Variants in CTNND2 observed in about 807,000 individuals in gnomAD.
CTNND2 encodes the protein catenin delta 2.
CTNND2 carries 22 observed loss-of-function variants against 144.4 expected under a neutral mutation model. The ratio of observed to expected loss-of-function variants is 0.15; its 90% CI spans 0.11 to 0.22. CTNND2 has a LOEUF of 0.22. Among genes scored for constraint, CTNND2 ranks in the 10% least tolerant of loss-of-function variants. The probability of loss-of-function intolerance (pLI) is 1.00; values close to 1 mark genes in which losing one functional copy is unlikely to be tolerated. For missense variants in CTNND2, 1,353 were observed against 1,618.8 expected, an observed-to-expected ratio of 0.84 and a Z score of 2.82; for synonymous variants, 751 against 695.6, an observed-to-expected ratio of 1.08 and a Z score of -1.25.
At chr5:11,216,914 C>T (rs1024254364) in intron 10 of CTNND2, among the ~76,000 whole-genome samples, 5 of 152,210 alleles carry the variant, frequency 3.3e-5, no homozygotes, top group African/African-American at 1.2e-4. Flanking sequence ...ACCACCAGGG[C>T]TCATTCTTTG....
chr5:11,403,025 C>T (rs768775188), intron 5 of CTNND2, among the ~76,000 whole-genome samples: 19 of 152,018 alleles, frequency 1.2e-4, no homozygotes, highest in Non-Finnish European at 2.1e-4. Context: ...AGTCACTCAA[C>T]TTTTTTTCTT....
chr5:11,274,170 C>G lies in CTNND2; in HGVS notation c.1629-37347G>C, dbSNP rs149693664. 3.9e-4 allele frequency among the ~76,000 whole-genome samples: 59 copies of G among 152,278 alleles called. No individual in the cohort carries two copies. In the Middle Eastern group the frequency reaches 0.024, roughly 61 times the overall value. ...TCTAACTAGGGGCTGAGCCAAGGTA[C>G]TTTCTATTGGCGTAATCCCTGACAG... On this transcript the variant is annotated intron_variant, in intron 9 of 21. Transcript: ENST00000304623.
intron 3 of CTNND2, among the ~76,000 whole-genome samples, chr5:11,423,366 G>A (rs1762523258): frequency 6.6e-6 from 1 of 152,182 alleles, no homozygotes; most frequent in Non-Finnish European, 1.5e-5. Flanking sequence ...CTCTCAGGTG[G>A]ATTATCCATA....
At chr5:11,357,480 A>G (rs575695387) in intron 8 of CTNND2, among the ~76,000 whole-genome samples, 5 of 152,256 alleles carry the variant, frequency 3.3e-5, no homozygotes, top group African/African-American at 9.6e-5. Context: ...CTAAAAAAGA[A>G]GCTGATATCA....
intron 9 of CTNND2, among the ~76,000 whole-genome samples, chr5:11,284,143 T>C (rs1424897421): frequency 6.6e-6 from 1 of 152,238 alleles, no homozygotes; most frequent in Non-Finnish European, 1.5e-5. Flanking sequence ...TCTGGTCATG[T>C]GAATTCTTCA....
At chr5:11,288,276 GTTC>G (rs539064213) in intron 9 of CTNND2, among the ~76,000 whole-genome samples, 5 of 151,956 alleles carry the variant, frequency 3.3e-5, no homozygotes, top group African/African-American at 9.6e-5. Context: ...CTACATTCAT[GTTC>G]TTCTTTTTGT....
intron 9 of CTNND2, among the ~76,000 whole-genome samples, chr5:11,297,413 A>C (rs911909654): frequency 2.0e-5 from 3 of 152,184 alleles, no homozygotes; most frequent in Non-Finnish European, 4.4e-5. Flanking sequence ...GAATACAGAG[A>C]CAGATATGAG....
At chr5:11,415,165 C>T (rs1018824381) in intron 3 of CTNND2, among the ~76,000 whole-genome samples, 5 of 152,132 alleles carry the variant, frequency 3.3e-5, no homozygotes, top group African/African-American at 4.8e-5. Flanking sequence ...ATCATCATAC[C>T]GCTTTCTACA....
intron 1 of CTNND2, among the ~76,000 whole-genome samples, chr5:11,867,990 C>T (rs1795852749): frequency 6.6e-6 from 1 of 151,746 alleles, no homozygotes; most frequent in South Asian, 2.1e-4. Flanking sequence ...CCTCAGTGCT[C>T]TTTTGTCAAC....
chr5:11,360,026 C>T (rs1307850253), intron 8 of CTNND2, among the ~76,000 whole-genome samples: 1 of 152,094 alleles, frequency 6.6e-6, no homozygotes, highest in African/African-American at 2.4e-5. Context: ...AACATTATGG[C>T]TAGGTAGCTT....
chr5:11,850,785 C>A (rs1002043018), intron 1 of CTNND2, among the ~76,000 whole-genome samples: 1 of 152,076 alleles, frequency 6.6e-6, no homozygotes, highest in Non-Finnish European at 1.5e-5. Flanking sequence ...CCCTGTAGCT[C>A]GAACATACTA....
intron 2 of CTNND2, among the ~76,000 whole-genome samples, chr5:11,627,082 A>G (rs1465480356): frequency 6.6e-6 from 1 of 152,162 alleles, no homozygotes; most frequent in Non-Finnish European, 1.5e-5. Flanking sequence ...CTATGCTCCA[A>G]AATTGGGTCA....
At chr5:11,206,277 G>A (rs930126224) in intron 10 of CTNND2, among the ~76,000 whole-genome samples, 1 of 152,150 alleles carries the variant, frequency 6.6e-6, no homozygotes, top group Non-Finnish European at 1.5e-5. Context: ...AAGCAGGCTT[G>A]GAGGTCAAAT....
intron 3 of CTNND2, among the ~76,000 whole-genome samples, chr5:11,475,850 TTTTGTTTG>T (rs1252382608): frequency 6.6e-6 from 1 of 151,882 alleles, no homozygotes; most frequent in Admixed American, 6.6e-5. Flanking sequence ...ACTAGTTTTG[TTTTGTTTG>T]TTTGTTTGTT....
intron 1 of CTNND2, among the ~76,000 whole-genome samples, chr5:11,771,620 T>G (rs771534723): frequency 3.7e-4 from 56 of 152,196 alleles, no homozygotes; most frequent in Non-Finnish European, 4.3e-4. Flanking sequence ...ATTGTAGACC[T>G]CACTTAATAC....
At chr5:11,061,402 C>T (rs962381287) in intron 16 of CTNND2, among the ~76,000 whole-genome samples, 3 of 152,200 alleles carry the variant, frequency 2.0e-5, no homozygotes, top group African/African-American at 7.2e-5. Flanking sequence ...CTTCCTTATC[C>T]AGGCTGAAAG....
intron 2 of CTNND2, among the ~76,000 whole-genome samples, chr5:11,649,613 C>T (rs1208635399): frequency 6.6e-6 from 1 of 152,124 alleles, no homozygotes; most frequent in East Asian, 1.9e-4. Context: ...CTGCACCTGG[C>T]CATAAAGAAA....
At chr5:11,586,292 C>T (rs146313899) in intron 2 of CTNND2, among the ~76,000 whole-genome samples, 1 of 152,234 alleles carries the variant, frequency 6.6e-6, no homozygotes, top group East Asian at 1.9e-4. Flanking sequence ...TTACTACATC[C>T]CAGGTACTAG....
At chr5:10,983,979 T>C (rs1440743754) in intron 20 of CTNND2, among the ~76,000 whole-genome samples, 2 of 152,132 alleles carry the variant, frequency 1.3e-5, no homozygotes, top group Non-Finnish European at 1.5e-5. Flanking sequence ...GAGGTTGTCT[T>C]TGCTGATCTT....
Sources: gnomAD v4.1 joint callset for allele counts (sites outside exome capture counted in the v4.1 genomes callset) on GRCh38, gnomAD v4.1.1 for gene constraint, MANE v1.5 for transcripts, NCBI Gene and HGNC (gene_info 2026-07-23, HGNC 2026-07-21) for gene names.